LRRC23: variants seen among roughly 807,000 people sequenced by gnomAD.
LRRC23 encodes the protein leucine-rich repeat-containing protein 23.
LRRC23 carries 28 observed loss-of-function variants against 37.7 expected under a neutral mutation model. That is an observed-to-expected ratio of 0.74 (90% CI 0.55 to 1.02). The LOEUF (loss-of-function observed/expected upper bound fraction) is 1.02. Among genes scored for constraint, LRRC23 ranks in the 50% least tolerant of loss-of-function variants. The probability of loss-of-function intolerance (pLI) is 0.00; values close to 1 mark genes in which losing one functional copy is unlikely to be tolerated. For missense variants in LRRC23, 377 were observed against 413.2 expected, an observed-to-expected ratio of 0.91 and a Z score of 0.76; for synonymous variants, 161 against 165.4, an observed-to-expected ratio of 0.97 and a Z score of 0.20.
chr12:6,907,460 C>CA lies in LRRC23; in HGVS notation c.621+16dup. 1 of 1,613,910 alleles carries CA rather than the reference C, an allele frequency of 6.2e-7. No individual in the cohort carries two copies. The highest frequency in any genetic ancestry group is 8.5e-7 in the Non-Finnish European group (1 of 1,179,940). ...ACCTCTACCTGGTAGCTCACTGGGTCAGAGGGTGGTGCAGGGAAGAGGGCA... is the reference window on the plus strand; with the variant it reads ...ACCTCTACCTGGTAGCTCACTGGGTCAAGAGGGTGGTGCAGGGAAGAGGGCA... On this transcript the variant is annotated intron_variant, in intron 5 of 7. Transcript: ENST00000443597.
chr12:6,913,810 G>C, intron 7 of LRRC23, 81 bp from the exon 8 acceptor site: 1 of 1,046,572 alleles, frequency 9.6e-7, no homozygotes, highest in Non-Finnish European at 1.4e-6. Context: ...TGATCTGCCC[G>C]CCTCCGCCTT....
At chr12:6,910,685 G>A (rs987689433) in intron 6 of LRRC23, among the ~76,000 whole-genome samples, 9 of 152,100 alleles carry the variant, frequency 5.9e-5, no homozygotes, top group African/African-American at 2.2e-4. Context: ...TCCAGCCTGG[G>A]TGACAGAGCC....
In LRRC23 at chr12:6,910,014, A is replaced by G. The variant is rs1555140514; in HGVS notation, c.746A>G (p.Tyr249Cys). 4 of 1,611,684 alleles carry G rather than the reference A, an allele frequency of 2.5e-6. No individual in the cohort carries two copies. The highest frequency in any genetic ancestry group is 8.5e-7 in the Non-Finnish European group (1 of 1,178,924). ...TCCAGAGAAATGAAATCATTGCAGTACCTCAACCTGAGGTATGCACCCTCT... is the reference window on the plus strand; with the variant it reads ...TCCAGAGAAATGAAATCATTGCAGTGCCTCAACCTGAGGTATGCACCCTCT... Reference protein sequence around the residue: ...GFSREMKSLQYLNLRGNMVAN... With the variant: ...GFSREMKSLQCLNLRGNMVAN... Residue 249 changes from tyrosine (Y) to cysteine (C), a missense_variant, in exon 6 of 8, where the codon TAC becomes TGC. Coordinates refer to ENST00000443597, the MANE Select transcript of LRRC23 (RefSeq NM_001135217.2).
rs782437614 is a variant in LRRC23, at chr12:6,911,435, T to C, written c.759-1295T>C. 2.0e-5 allele frequency among the ~76,000 whole-genome samples: 3 copies of C among 152,280 alleles called. No homozygotes were observed. In the East Asian group the frequency reaches 5.8e-4, roughly 29 times the overall value. ...TGTATCTGTGCCATCTTCCTGTTAA[T>C]GATCTAGACAGGCATGATGGACCCT... On this transcript the variant is annotated intron_variant, in intron 6 of 7. Transcript: ENST00000443597.
At chr12:6,910,140 A>G in intron 6 of LRRC23, 114 bp downstream of exon 6, 1 of 1,053,680 alleles carries the variant, frequency 9.5e-7, no homozygotes. Context: ...TGGATTCTCA[A>G]GGAAAGCCCG....
intron 6 of LRRC23, among the ~76,000 whole-genome samples, chr12:6,911,344 A>G (rs1000412685): frequency 2.0e-5 from 3 of 151,998 alleles, no homozygotes; most frequent in Non-Finnish European, 4.4e-5. Flanking sequence ...GGAAGCCCCA[A>G]CTCTCATCCT....
chr12:6,907,534 C>A (rs782652905), intron 5 of LRRC23, 89 bp downstream of exon 5: 1 of 1,324,190 alleles, frequency 7.6e-7, no homozygotes, highest in Non-Finnish European at 1.1e-6. Context: ...CAGCTACTAA[C>A]TTCATCATTA....
Position 6,912,799 on chromosome 12 carries a change from G to A in LRRC23, c.828G>A (p.Val276=). 4 of 1,614,182 alleles carry A rather than the reference G, an allele frequency of 2.5e-6. No individual in the cohort carries two copies. Among genetic ancestry groups the A allele is most frequent in the East Asian group, 2.2e-5 (1 of 44,884 alleles). Reference sequence around the variant, plus strand: ...ACCTGCCCAAGCTGCGAGCGTTGGTGCTGCTTGATAACCCATGCACGGACG... The same window carrying A: ...ACCTGCCCAAGCTGCGAGCGTTGGTACTGCTTGATAACCCATGCACGGACG... ...LRDLPKLRAL[V]LLDNPCTDET... Residue 276 remains valine (V), a synonymous_variant, in exon 7 of 8, where the codon GTG becomes GTA. Transcript: ENST00000443597.
chr12:6,910,934 G>GGC, intron 6 of LRRC23, among the ~76,000 whole-genome samples: 1 of 151,874 alleles, frequency 6.6e-6, no homozygotes, highest in African/African-American at 2.4e-5. Flanking sequence ...AAAGGAATCA[G>GGC]AGGTGATTCC....
chr12:6,908,662 C>CAAA (rs34377913), intron 5 of LRRC23, among the ~76,000 whole-genome samples: 1 of 104,852 alleles, frequency 9.5e-6, no homozygotes, highest in African/African-American at 3.2e-5. Flanking sequence ...ACTAAAAATA[C>CAAA]AAAAAAAAAA....
At chr12:6,913,572 T>G (rs1327569836) in intron 7 of LRRC23, among the ~76,000 whole-genome samples, 4 of 132,936 alleles carry the variant, frequency 3.0e-5, no homozygotes, top group Admixed American at 7.4e-5. Flanking sequence ...TTTTTTTTTT[T>G]TTTTTTTTTT....
chr12:6,906,292 C>T (rs982760406), intron 3 of LRRC23, 117 bp from the exon 4 acceptor site: 5 of 984,478 alleles, frequency 5.1e-6, no homozygotes, highest in Non-Finnish European at 7.6e-6. Flanking sequence ...CATCTGTTGC[C>T]CATTCTTCTC....
chr12:6,906,044 G>T (rs781884251), intron 3 of LRRC23, 90 bp downstream of exon 3: 2 of 1,162,054 alleles, frequency 1.7e-6, no homozygotes, highest in South Asian at 2.5e-5. Flanking sequence ...CTGGTTGAGA[G>T]TTTGACTCTT....
At chr12:6,910,723 A>G (rs978903994) in intron 6 of LRRC23, among the ~76,000 whole-genome samples, 7 of 151,502 alleles carry the variant, frequency 4.6e-5, no homozygotes, top group African/African-American at 1.7e-4. Context: ...CAAAACAAAA[A>G]TAAAATATTA....
At chr12:6,908,208 T>G (rs1944995676) in intron 5 of LRRC23, among the ~76,000 whole-genome samples, 1 of 152,148 alleles carries the variant, frequency 6.6e-6, no homozygotes, top group South Asian at 2.1e-4. Context: ...AGAAGCTCTC[T>G]GGACCCAGTC....
At chr12:6,905,822 C>A (rs1198684205) in intron 2 of LRRC23, 23 bp from the exon 3 acceptor site, 12 of 1,613,202 alleles carry the variant, frequency 7.4e-6, no homozygotes, top group African/African-American at 5.3e-5. Flanking sequence ...GGGAGAGACA[C>A]CTTACTCCAC....
chr12:6,913,379 A>C (rs1217148288), intron 7 of LRRC23: 3 of 270,184 alleles, frequency 1.1e-5, no homozygotes, highest in African/African-American at 2.2e-5. Context: ...TGGTGTATGC[A>C]GCTGGACCTA....
intron 5 of LRRC23, among the ~76,000 whole-genome samples, chr12:6,909,516 C>A (rs1945106338): frequency 9.3e-6 from 1 of 108,104 alleles, no homozygotes; most frequent in African/African-American, 4.1e-5. Flanking sequence ...TATATAATAA[C>A]TCCACAGGAA....
chr12:6,907,425 A>G lies in LRRC23; in HGVS notation c.601A>G (p.Lys201Glu). 1 of 1,613,954 alleles carries G rather than the reference A, an allele frequency of 6.2e-7. No homozygotes were observed. The highest frequency in any genetic ancestry group is 8.5e-7 in the Non-Finnish European group (1 of 1,179,974). The stretch of plus-strand genomic sequence containing the variant: ...AAGCACCCTGGGAATCAATCTTCCT[A>G]AGCTGAAGAACCTCTACCTGGTAGC... ...LESTLGINLPKLKNLYLAQNM... is the reference protein window; with the variant it reads ...LESTLGINLPELKNLYLAQNM... The change falls in exon 5 of 8, where the codon AAG becomes GAG. Residue 201 changes from lysine (K) to glutamate (E), a missense_variant. This residue lies in a region of LRRC23 where 266 missense variants were observed against 285.6 expected (regional missense o/e 0.93). Transcript: ENST00000443597.
Sources: allele counts gnomAD v4.1 joint callset (sites outside exome capture counted in the v4.1 genomes callset), GRCh38; gene constraint gnomAD v4.1.1; regional missense constraint gnomAD v4.1.1; transcripts MANE v1.5; gene names NCBI Gene and HGNC (gene_info 2026-07-23, HGNC 2026-07-21).